Variants in SLC35F1 observed in about 807,000 individuals in gnomAD.
The protein encoded by SLC35F1 is solute carrier family 35 member F1.
A neutral mutation model predicts 48.7 loss-of-function variants in SLC35F1; 14 were observed. The ratio of observed to expected loss-of-function variants is 0.29; its 90% CI spans 0.19 to 0.45. The LOEUF (loss-of-function observed/expected upper bound fraction) is 0.45. Ranked by LOEUF, SLC35F1 falls within the 20% of genes least tolerant of loss-of-function variation. The pLI is 1.00. For synonymous variants in SLC35F1, 190 were observed against 202.2 expected (o/e 0.94, Z 0.51); for missense variants, 404 against 500.0 (o/e 0.81, Z 1.83).
intron 1 of SLC35F1, among the ~76,000 whole-genome samples, chr6:118,037,709 G>A (rs1772154300): frequency 6.6e-6 from 1 of 152,122 alleles, no homozygotes; most frequent in Admixed American, 6.6e-5. Context: ...ATGAGTTCAT[G>A]TCCTTTGCAG....
At chr6:117,938,110 T>C (rs1434215943) in intron 1 of SLC35F1, among the ~76,000 whole-genome samples, 1 of 152,146 alleles carries the variant, frequency 6.6e-6, no homozygotes, top group Non-Finnish European at 1.5e-5. Context: ...AAAAATAAAC[T>C]TACGTGTTTC....
intron 1 of SLC35F1, among the ~76,000 whole-genome samples, chr6:117,951,307 A>G (rs917193327): frequency 2.0e-5 from 3 of 152,236 alleles, no homozygotes; most frequent in Non-Finnish European, 2.9e-5. Flanking sequence ...TACTAGAAGG[A>G]GTAAAGAGTT....
chr6:118,028,190 G>A (rs1290126683), intron 1 of SLC35F1, among the ~76,000 whole-genome samples: 1 of 152,116 alleles, frequency 6.6e-6, no homozygotes, highest in African/African-American at 2.4e-5. Context: ...ATCTAGGGGA[G>A]AGTTAACTGT....
At position 118,270,137 on chromosome 6, in the gene SLC35F1, G is replaced by A. The variant is rs538020735; in HGVS notation, c.637+2983G>A. ...AATGCTTAATCTATGTTTCATCTTC[G>A]TTTGGGATTTTGACAATTCTGTCTC... is the stretch of plus-strand genomic sequence containing the variant. On this transcript the variant is annotated intron_variant, in intron 4 of 7. Transcript: ENST00000360388. Among the ~76,000 whole-genome samples the A allele has an allele frequency of 2.5e-3, 374 of 152,242 alleles. 1 individual carries two copies. The highest frequency in any genetic ancestry group is 8.6e-3 in the African/African-American group (359 of 41,536).
chr6:118,268,979 A>G (rs916097915), intron 4 of SLC35F1, among the ~76,000 whole-genome samples: 13 of 152,176 alleles, frequency 8.5e-5, no homozygotes, highest in Non-Finnish European at 1.5e-4. Flanking sequence ...AGCAGAAGCA[A>G]GTACCCTTAG....
intron 1 of SLC35F1, among the ~76,000 whole-genome samples, chr6:117,985,141 A>T (rs1301513100): frequency 6.6e-6 from 1 of 152,220 alleles, no homozygotes; most frequent in Non-Finnish European, 1.5e-5. Context: ...CATATGTGAG[A>T]ATAAAAAATA....
intron 1 of SLC35F1, among the ~76,000 whole-genome samples, chr6:118,137,768 C>A (rs1393882542): frequency 6.6e-6 from 1 of 152,174 alleles, no homozygotes; most frequent in Admixed American, 6.5e-5. Flanking sequence ...CAACCTCCCC[C>A]TCCCCAAAGT....
intron 2 of SLC35F1, among the ~76,000 whole-genome samples, chr6:118,231,863 C>T (rs115278427): frequency 0.017 from 2,662 of 152,244 alleles, 77 homozygotes; most frequent in African/African-American, 0.06. Flanking sequence ...GGGTCTGTGA[C>T]TTTAGAATTG....
At chr6:118,006,283 A>G (rs1777173776) in intron 1 of SLC35F1, among the ~76,000 whole-genome samples, 2 of 152,172 alleles carry the variant, frequency 1.3e-5, no homozygotes, top group Non-Finnish European at 2.9e-5. Flanking sequence ...GTCGAGAGTA[A>G]TGATAAGAAG....
At chr6:118,014,370 T>G (rs1390415225) in intron 1 of SLC35F1, among the ~76,000 whole-genome samples, 1 of 152,160 alleles carries the variant, frequency 6.6e-6, no homozygotes. Context: ...GGGCTCTTGA[T>G]GGCCTGTGAG....
intron 1 of SLC35F1, among the ~76,000 whole-genome samples, chr6:117,939,641 C>T (rs1326991393): frequency 6.6e-6 from 1 of 152,078 alleles, no homozygotes; most frequent in Non-Finnish European, 1.5e-5. Flanking sequence ...TAAAAAGGAC[C>T]TAAAGGGAAT....
chr6:118,196,050 A>AG (rs765815883), intron 2 of SLC35F1, among the ~76,000 whole-genome samples: 6 of 151,970 alleles, frequency 3.9e-5, no homozygotes, highest in South Asian at 2.1e-4. Context: ...CAGAGACTCC[A>AG]GGGGGGGCCT....
chr6:118,098,945 T>A (rs1773217781), intron 1 of SLC35F1, among the ~76,000 whole-genome samples: 1 of 152,230 alleles, frequency 6.6e-6, no homozygotes, highest in Non-Finnish European at 1.5e-5. Flanking sequence ...GTGTTTGGCC[T>A]ATTTTATAAG....
chr6:118,269,266 A>G (rs1020603180), intron 4 of SLC35F1, among the ~76,000 whole-genome samples: 3 of 152,244 alleles, frequency 2.0e-5, no homozygotes, highest in Non-Finnish European at 1.5e-5. Context: ...TGTGGCTAAA[A>G]CATACTGGAG....
intron 5 of SLC35F1, among the ~76,000 whole-genome samples, chr6:118,276,535 A>T (rs1230611593): frequency 6.6e-6 from 1 of 152,210 alleles, no homozygotes. Context: ...TACTGGTGAA[A>T]AACTTCACAG....
At chr6:118,250,919 C>T (rs759316676) in intron 3 of SLC35F1, among the ~76,000 whole-genome samples, 1 of 151,744 alleles carries the variant, frequency 6.6e-6, no homozygotes, top group Non-Finnish European at 1.5e-5. Flanking sequence ...GAGCCGAGAT[C>T]GTGCCACTAC....
At chr6:118,247,585 A>T (rs561006334) in intron 3 of SLC35F1, among the ~76,000 whole-genome samples, 7 of 152,212 alleles carry the variant, frequency 4.6e-5, no homozygotes, top group African/African-American at 1.7e-4. Flanking sequence ...ATTTCTTATA[A>T]ATCAAAAAGT....
At chr6:118,059,363 T>G (rs910803362) in intron 1 of SLC35F1, among the ~76,000 whole-genome samples, 20 of 152,228 alleles carry the variant, frequency 1.3e-4, no homozygotes, top group Admixed American at 1.3e-3. Context: ...GCTGTCACTC[T>G]GTAAATTGTC....
At chr6:118,201,479 C>T (rs1774873184) in intron 2 of SLC35F1, among the ~76,000 whole-genome samples, 2 of 152,172 alleles carry the variant, frequency 1.3e-5, no homozygotes, top group Admixed American at 1.3e-4. Context: ...GTAGAAACTA[C>T]AGTTGTTTAC....
Sources: gnomAD v4.1 joint callset for allele counts (sites outside exome capture counted in the v4.1 genomes callset) on GRCh38, gnomAD v4.1.1 for gene constraint, MANE v1.5 for transcripts, NCBI Gene and HGNC (gene_info 2026-07-23, HGNC 2026-07-21) for gene names.